The following VPS13D variants were observed in gnomAD, a reference collection of about 807,000 sequenced individuals.
VPS13D encodes vacuolar protein sorting 13 homolog D.
In VPS13D, 187 loss-of-function variants were observed where a neutral mutation model predicts 461.9. The observed-to-expected ratio is 0.40, with a 90% confidence interval of 0.36 to 0.46. VPS13D has a LOEUF of 0.46. Among genes scored for constraint, VPS13D ranks in the 20% least tolerant of loss-of-function variants. The pLI, the probability that VPS13D is intolerant of heterozygous loss-of-function variation, is 0.60. For missense variants in VPS13D, 4,711 were observed against 5,364.9 expected, an observed-to-expected ratio of 0.88 and a Z score of 3.81; for synonymous variants, 1,951 against 1,986.3, an observed-to-expected ratio of 0.98 and a Z score of 0.47.
At chr1:12,435,387 G>A (rs796128947) in intron 65 of VPS13D, among the ~76,000 whole-genome samples, 4 of 152,280 alleles carry the variant, frequency 2.6e-5, no homozygotes, top group African/African-American at 9.6e-5. Flanking sequence ...TCCGAGCCTA[G>A]GAAGTTGAGG....
chr1:12,382,953 GTC>G, intron 57 of VPS13D, 21 bp from the exon 58 acceptor site: 1 of 1,595,706 alleles, frequency 6.3e-7, no homozygotes, highest in Non-Finnish European at 8.5e-7. Context: ...TTTCTCACAT[GTC>G]TCTACTCCAA....
At position 12,330,002 on chromosome 1, in the gene VPS13D, T is replaced by C. The variant is rs185940510; in HGVS notation, c.8287+84T>C. The stretch of plus-strand genomic sequence containing the variant: ...GACCTATTGCTACGTAAATTTTACA[T>C]GAAGGAAAGGGCAGGGGTGGGGTGG... On this transcript the variant is annotated intron_variant, in intron 37 of 69. Transcript: ENST00000620676. 391 of 945,040 alleles carry C rather than the reference T, an allele frequency of 4.1e-4. 2 individuals are homozygous for C. The African/African-American group carries it at 6.3e-3, about 15-fold the overall frequency. The allele number at this position is 945,040 out of a possible 1,614,324, so 58.5% of individuals were successfully genotyped here.
At chr1:12,424,008 G>A (rs1224339485) in intron 65 of VPS13D, among the ~76,000 whole-genome samples, 4 of 152,282 alleles carry the variant, frequency 2.6e-5, no homozygotes, top group Admixed American at 2.6e-4. Context: ...CATTATGTAT[G>A]ACTGCTCCAT....
intron 3 of VPS13D, among the ~76,000 whole-genome samples, chr1:12,243,491 A>T (rs558619708): frequency 2.0e-5 from 3 of 152,242 alleles, no homozygotes; most frequent in East Asian, 3.9e-4. Flanking sequence ...TGATGTTGTC[A>T]TTAAAAATAC....
Position 12,261,019 on chromosome 1 carries a change from G to GA in VPS13D, c.1285dup (p.Met429AsnfsTer27). 1 of 1,614,024 alleles carries GA rather than the reference G, an allele frequency of 6.2e-7. No individual in the cohort carries two copies. Among genetic ancestry groups the GA allele is most frequent in the African/African-American group, 1.3e-5 (1 of 75,032 alleles). Reference sequence around the variant, plus strand: ...CCCCAGAACCCGGTGGAGGCAGTGGGATGCTGCAGTATCTCCAGTCCTGGT... The same window carrying GA: ...CCCCAGAACCCGGTGGAGGCAGTGGGAATGCTGCAGTATCTCCAGTCCTGGT... On this transcript the variant is annotated frameshift_variant, in exon 12 of 70. Transcript: ENST00000620676. LOFTEE classifies it high-confidence loss of function.
chr1:12,452,542 G>A (rs1436843488), intron 65 of VPS13D, among the ~76,000 whole-genome samples: 2 of 152,198 alleles, frequency 1.3e-5, no homozygotes, highest in African/African-American at 4.8e-5. Context: ...TAATGGCTGG[G>A]CAGGACTTAC....
Position 12,249,270 on chromosome 1 carries a change from T to C in VPS13D, c.495T>C (p.Asn165=). ...TACGCTTTGAAGATGGTGTCACCAA[T>C]CCCTCCCATCCTTTTGCTTTTGGCA... ...VHLRFEDGVT[N]PSHPFAFGIC... Residue 165 remains asparagine, a synonymous_variant, in exon 6 of 70, where the codon AAT becomes AAC. Coordinates refer to ENST00000620676, the MANE Select transcript of VPS13D (RefSeq NM_015378.4). The C allele has an allele frequency of 1.2e-6, 2 of 1,613,996 alleles. No homozygotes were observed. Among genetic ancestry groups the C allele is most frequent in the Non-Finnish European group, 1.7e-6 (2 of 1,179,982 alleles).
chr1:12,255,911 A>G (rs180909955), intron 7 of VPS13D, among the ~76,000 whole-genome samples: 1 of 151,166 alleles, frequency 6.6e-6, no homozygotes, highest in South Asian at 2.1e-4. Context: ...AAAGAAAGAA[A>G]AAAGAAATAT....
intron 55 of VPS13D, 44 bp downstream of exon 55, chr1:12,373,902 C>T: frequency 6.8e-7 from 1 of 1,471,056 alleles, no homozygotes; most frequent in Non-Finnish European, 9.3e-7. Flanking sequence ...AGGTTTTTAG[C>T]ACTGGACGGG....
At chr1:12,357,559 GT>G (rs1643896674) in intron 49 of VPS13D, among the ~76,000 whole-genome samples, 1 of 152,190 alleles carries the variant, frequency 6.6e-6, no homozygotes, top group South Asian at 2.1e-4. Context: ...AGGAAATATT[GT>G]TATATTTTAA....
rs753599761 is a variant in VPS13D, at chr1:12,291,788, T to G, written c.5852+664T>G. On this transcript the variant is annotated intron_variant, in intron 23 of 69. Transcript: ENST00000620676. ...TCTATATATTAAGGGGACTGAATCA[T>G]TAGAACATTTCTGAGCTTCCATGTA... Among the ~76,000 whole-genome samples, 67 of 152,270 alleles carry G rather than the reference T, an allele frequency of 4.4e-4. 1 individual carries two copies. Among genetic ancestry groups the G allele is most frequent in the Non-Finnish European group, 3.7e-4 (25 of 68,046 alleles).
intron 30 of VPS13D, among the ~76,000 whole-genome samples, chr1:12,315,241 T>C (rs576218086): frequency 6.6e-6 from 1 of 152,338 alleles, no homozygotes; most frequent in Admixed American, 6.5e-5. Context: ...AAAAACTTTG[T>C]GTTTAAGCAA....
intron 50 of VPS13D, among the ~76,000 whole-genome samples, chr1:12,361,648 G>A (rs1479505802): frequency 2.0e-5 from 3 of 151,866 alleles, no homozygotes; most frequent in African/African-American, 7.3e-5. Flanking sequence ...GCCCGCCTCG[G>A]CCTCCCAAAG....
At chr1:12,268,005 A>G (rs545642672) in intron 15 of VPS13D, 85 bp downstream of exon 15, 2 of 1,161,248 alleles carry the variant, frequency 1.7e-6, no homozygotes, top group African/African-American at 3.1e-5. Context: ...TCTGTCACCC[A>G]GGCTGGAGTG....
At chr1:12,234,482 T>C in intron 2 of VPS13D, 119 bp downstream of exon 2, 2 of 684,270 alleles carry the variant, frequency 2.9e-6, no homozygotes, top group Middle Eastern at 5.4e-4. Context: ...TAAATGTATG[T>C]AAAAAGGTCC....
rs1430802102 is a variant in VPS13D at position 12,509,591 on chromosome 1, T to TC, written c.*568dup. The TC allele has an allele frequency of 1.3e-5, 2 of 152,386 alleles. No homozygotes were observed. The highest frequency in any genetic ancestry group is 4.8e-5 in the African/African-American group (2 of 41,464). 9.4% of individuals were successfully genotyped at this position (152,386 alleles called of 1,614,324 possible). The stretch of plus-strand genomic sequence containing the variant: ...GGTCCTGAAAGGGACGCCTTTGACA[T>TC]CGTGGCTGTCCAGTTGGGCTGTGAG... On this transcript the variant is annotated 3_prime_UTR_variant, in exon 70 of 70. Transcript: ENST00000620676.
intron 36 of VPS13D, among the ~76,000 whole-genome samples, chr1:12,329,494 T>G (rs1198670651): frequency 6.6e-6 from 1 of 152,182 alleles, no homozygotes; most frequent in Non-Finnish European, 1.5e-5. Context: ...TTTACAGGCA[T>G]GAGCCACCGT....
chr1:12,493,312 C>T (rs1645911400), intron 67 of VPS13D, among the ~76,000 whole-genome samples: 1 of 151,728 alleles, frequency 6.6e-6, no homozygotes, highest in Non-Finnish European at 1.5e-5. Context: ...GAAACCCCGT[C>T]TCTAATAAAA....
In VPS13D at chr1:12,405,963, C is replaced by G. The variant is rs138198175; in HGVS notation, c.12030+1990C>G. ...CTGCAGTTGAAGTAGCTCCAGCCCCCCCCAGTTACATGATGGTTGTGTGTG... is the reference window on the plus strand; with the variant it reads ...CTGCAGTTGAAGTAGCTCCAGCCCCGCCCAGTTACATGATGGTTGTGTGTG... On this transcript the variant is annotated intron_variant, in intron 63 of 69. Transcript: ENST00000620676. 7.2e-5 allele frequency among the ~76,000 whole-genome samples: 11 copies of G among 152,322 alleles called. No individual in the cohort carries two copies. The East Asian group carries it at 1.7e-3, about 24-fold the overall frequency.
Sources: gnomAD v4.1 joint callset for allele counts (sites outside exome capture counted in the v4.1 genomes callset) on GRCh38, gnomAD v4.1.1 for gene constraint, MANE v1.5 for transcripts, NCBI Gene and HGNC (gene_info 2026-07-23, HGNC 2026-07-21) for gene names.